The following ZRANB3 variants were observed in gnomAD, a reference collection of about 807,000 sequenced individuals.
ZRANB3 encodes the protein DNA annealing helicase and endonuclease ZRANB3.
In ZRANB3, 125 loss-of-function variants were observed where a neutral mutation model predicts 133.8. The observed-to-expected ratio is 0.93, with a 90% CI of 0.81 to 1.08. The LOEUF is 1.08. ZRANB3 is among the 50% of genes least tolerant of loss of function. The pLI, the probability that ZRANB3 is intolerant of heterozygous loss-of-function variation, is 0.00. For synonymous variants in ZRANB3, 387 were observed against 432.7 expected (o/e 0.89, Z 1.31); for missense variants, 1,229 against 1,275.5 (o/e 0.96, Z 0.56).
intron 12 of ZRANB3, among the ~76,000 whole-genome samples, chr2:135,235,083 A>C (rs1695226924): frequency 1.3e-5 from 2 of 152,218 alleles, no homozygotes; most frequent in Non-Finnish European, 2.9e-5. Flanking sequence ...AAATAGACGC[A>C]ATAAAAAATG....
intron 3 of ZRANB3, among the ~76,000 whole-genome samples, chr2:135,372,706 G>A (rs2104901194): frequency 1.3e-5 from 2 of 150,966 alleles, no homozygotes. Flanking sequence ...AGAATGGTGT[G>A]AACCCGGGAG....
At chr2:135,355,495 G>T (rs1685391742) in intron 3 of ZRANB3, among the ~76,000 whole-genome samples, 1 of 151,882 alleles carries the variant, frequency 6.6e-6, no homozygotes, top group Non-Finnish European at 1.5e-5. Flanking sequence ...TGGAGTAGCT[G>T]AGGTGGCATG....
intron 2 of ZRANB3, among the ~76,000 whole-genome samples, chr2:135,457,002 T>C (rs868058333): frequency 4.6e-5 from 7 of 152,206 alleles, no homozygotes; most frequent in East Asian, 3.8e-4. Context: ...ACAATGCAGA[T>C]TTTAATGTAT....
rs1369961497 is a variant in ZRANB3, at chr2:135,197,284, T to C, written c.*3058A>G. The C allele has an allele frequency of 6.6e-6, 1 of 152,200 alleles. No homozygotes were observed. Among genetic ancestry groups the C allele is most frequent in the Non-Finnish European group, 1.5e-5 (1 of 68,044 alleles). 9.4% of individuals were successfully genotyped at this position (152,200 alleles called of 1,614,324 possible). A position where few individuals can be genotyped will look rare whatever the true frequency, so the allele number is the denominator to read the frequency against. ...CTGTATCCTATGAGTAAACACAACC[T>C]ATTTACTGTAAAGAGCTCAAGAGCA... On this transcript the variant is annotated 3_prime_UTR_variant, in exon 21 of 21. Coordinates refer to ENST00000264159, the MANE Select transcript of ZRANB3 (RefSeq NM_032143.4).
chr2:135,398,081 T>A (rs997550304), intron 2 of ZRANB3, among the ~76,000 whole-genome samples: 2 of 152,300 alleles, frequency 1.3e-5, no homozygotes, highest in East Asian at 3.9e-4. Flanking sequence ...TTATTTATTT[T>A]TTGAGATGGA....
intron 1 of ZRANB3, among the ~76,000 whole-genome samples, chr2:135,520,791 G>A (rs1367647171): frequency 2.0e-5 from 3 of 151,878 alleles, no homozygotes; most frequent in Admixed American, 6.6e-5. Context: ...CACCATCTTG[G>A]TCAGGCTAAT....
rs1455434472 is a variant in ZRANB3 at position 135,271,881 on chromosome 2, A to G, written c.1093T>C (p.Tyr365His). Residue 365 changes from tyrosine to histidine, a missense_variant, in exon 10 of 21, where the codon TAC (tyrosine) becomes CAC (histidine). Physicochemically the swap from Tyr to His is moderately conservative, Grantham distance 83. Coordinates refer to ENST00000264159, the MANE Select transcript of ZRANB3 (RefSeq NM_032143.4). ...TEAVIENKTR[Y>H]IRIDGSVSSS... is the part of the protein sequence containing the mutation. ...GAAACACTTCCATCTATCCTAATGT[A>G]ACGAGTCTAGCATCAACAAGGAAAA... The G allele has an allele frequency of 6.2e-7, 1 of 1,612,218 alleles. No homozygotes were observed. The highest frequency in any genetic ancestry group is 1.7e-5 in the Admixed American group (1 of 59,744).
At chr2:135,511,646 T>TA (rs1438769754) in intron 1 of ZRANB3, 14 of 774,278 alleles carry the variant, frequency 1.8e-5, no homozygotes, top group Middle Eastern at 3.0e-4. Context: ...TGGTTGTTGT[T>TA]AGACAGAAGC....
intron 13 of ZRANB3, 91 bp downstream of exon 13, chr2:135,230,422 A>C: frequency 8.1e-7 from 1 of 1,228,890 alleles, no homozygotes; most frequent in Non-Finnish European, 1.1e-6. Flanking sequence ...GAGTCACACT[A>C]ACCCTGGATA....
chr2:135,300,909 C>T (rs1194910987), intron 8 of ZRANB3, among the ~76,000 whole-genome samples: 1 of 152,176 alleles, frequency 6.6e-6, no homozygotes. Context: ...TACCTGACTG[C>T]TAAGAACCTT....
At chr2:135,304,613 G>A (rs939207048) in intron 8 of ZRANB3, among the ~76,000 whole-genome samples, 6 of 151,922 alleles carry the variant, frequency 3.9e-5, no homozygotes, top group Non-Finnish European at 7.4e-5. Context: ...TTTTAGAATT[G>A]GTTTTACTTT....
At chr2:135,420,040 C>G (rs1407767488) in intron 2 of ZRANB3, among the ~76,000 whole-genome samples, 1 of 143,104 alleles carries the variant, frequency 7.0e-6, no homozygotes, top group African/African-American at 2.5e-5. Flanking sequence ...ATATATGTAC[C>G]TTTTGTGTAC....
At chr2:135,316,378 C>A in intron 6 of ZRANB3, among the ~76,000 whole-genome samples, 1 of 152,212 alleles carries the variant, frequency 6.6e-6, no homozygotes. Context: ...AATAACATAT[C>A]CCTATCAATG....
intron 6 of ZRANB3, among the ~76,000 whole-genome samples, chr2:135,323,226 CAT>C (rs1683629595): frequency 6.6e-6 from 1 of 152,128 alleles, no homozygotes; most frequent in African/African-American, 2.4e-5. Context: ...CAGTTTGACA[CAT>C]GATAGAATTG....
At chr2:135,357,842 G>C (rs1685506273) in intron 3 of ZRANB3, among the ~76,000 whole-genome samples, 1 of 152,120 alleles carries the variant, frequency 6.6e-6, no homozygotes, top group Admixed American at 6.5e-5. Context: ...CAGATATCTT[G>C]AGTAAAAAAT....
At chr2:135,513,378 G>A (rs1693554487) in intron 1 of ZRANB3, among the ~76,000 whole-genome samples, 1 of 152,136 alleles carries the variant, frequency 6.6e-6, no homozygotes, top group Admixed American at 6.5e-5. Context: ...CTAGGTCAAT[G>A]GAACAGAACT....
At chr2:135,202,614 T>C (rs2105032210) in intron 20 of ZRANB3, 1 of 422,852 alleles carries the variant, frequency 2.4e-6, no homozygotes, top group Non-Finnish European at 4.2e-6. Context: ...GGTGCAAATG[T>C]CTTGGTCCTA....
intron 2 of ZRANB3, among the ~76,000 whole-genome samples, chr2:135,403,215 G>A (rs1687825279): frequency 1.3e-5 from 2 of 152,132 alleles, no homozygotes; most frequent in South Asian, 2.1e-4. Flanking sequence ...CAAACAAAGG[G>A]GTGACAGATG....
At chr2:135,428,555 T>A (rs1463099619) in intron 2 of ZRANB3, among the ~76,000 whole-genome samples, 2 of 151,356 alleles carry the variant, frequency 1.3e-5, no homozygotes, top group South Asian at 2.1e-4. Flanking sequence ...ATCAACAGAC[T>A]AAACAGACAA....
Sources: allele counts gnomAD v4.1 joint callset (sites outside exome capture counted in the v4.1 genomes callset), GRCh38; gene constraint gnomAD v4.1.1; transcripts MANE v1.5; gene names NCBI Gene and HGNC (gene_info 2026-07-23, HGNC 2026-07-21).